The following TFCP2L1 variants were observed in gnomAD, a reference collection of about 807,000 sequenced individuals.
The protein encoded by TFCP2L1 is transcription factor CP2 like 1.
In TFCP2L1, 12 loss-of-function variants were observed where a neutral mutation model predicts 72.2. That is an observed-to-expected ratio of 0.17 (90% CI 0.11 to 0.27). The LOEUF is 0.27. Among genes scored for constraint, TFCP2L1 ranks in the 10% least tolerant of loss-of-function variants. The pLI is 1.00. For missense variants in TFCP2L1, 488 were observed against 624.6 expected (o/e 0.78, Z 2.33); for synonymous variants, 260 against 251.0 (o/e 1.04, Z -0.34).
chr2:121,269,935 A>ATATATG (rs1491023460), intron 2 of TFCP2L1, among the ~76,000 whole-genome samples: 1 of 133,614 alleles, frequency 7.5e-6, no homozygotes, highest in Admixed American at 7.7e-5. Context: ...ATATATATAT[A>ATATATG]TGCAAAAGAA....
intron 2 of TFCP2L1, among the ~76,000 whole-genome samples, chr2:121,260,008 G>A (rs183151943): frequency 7.0e-4 from 107 of 152,326 alleles, no homozygotes; most frequent in African/African-American, 2.4e-3. Flanking sequence ...CAATCAGACA[G>A]GTGGTATTTG....
intron 4 of TFCP2L1, 26 bp from the exon 5 acceptor site, chr2:121,248,296 A>G: frequency 1.3e-6 from 2 of 1,562,216 alleles, no homozygotes; most frequent in South Asian, 1.1e-5. Flanking sequence ...CACATACAGA[A>G]AGTGCAATTG....
rs764069354 is a variant in TFCP2L1, at chr2:121,248,985, T to C, written c.394A>G (p.Ile132Val). Residue 132 changes from isoleucine (I) to valine (V), a missense_variant, in exon 4 of 15, where the codon ATC becomes GTC. Around this residue, in one of 3 missense-constraint regions of TFCP2L1, gnomAD observed 129 missense variants for 236.0 expected, o/e 0.55. Coordinates refer to ENST00000263707, the MANE Select transcript of TFCP2L1 (RefSeq NM_014553.3). ...WSRPGDRILDIDIPLSVGILD... is the reference protein window; with the variant it reads ...WSRPGDRILDVDIPLSVGILD... ...CTCTCCTGGCCAGGAGACTCACCGATGTCCAGGATCCGGTCCCCTGGCCGA... is the reference window on the plus strand; with the variant it reads ...CTCTCCTGGCCAGGAGACTCACCGACGTCCAGGATCCGGTCCCCTGGCCGA... 6.3e-7 allele frequency: 1 copy of C among 1,594,090 alleles called. No individual in the cohort carries two copies.
At chr2:121,237,741 G>C in intron 9 of TFCP2L1, 25 bp from the exon 10 acceptor site, 2 of 1,614,052 alleles carry the variant, frequency 1.2e-6, no homozygotes, top group African/African-American at 1.3e-5. Context: ...GAGAGGCCTT[G>C]AGATGGTGGC....
chr2:121,258,976 G>A (rs758375380), intron 2 of TFCP2L1, among the ~76,000 whole-genome samples: 1 of 152,020 alleles, frequency 6.6e-6, no homozygotes, highest in African/African-American at 2.4e-5. Context: ...GCTCGGGCGC[G>A]GTGGCTCACA....
At chr2:121,282,011 C>T (rs1687273987) in intron 1 of TFCP2L1, among the ~76,000 whole-genome samples, 1 of 151,990 alleles carries the variant, frequency 6.6e-6, no homozygotes, top group Admixed American at 6.6e-5. Context: ...CGGCTCACTA[C>T]AACCTCCACC....
In TFCP2L1 at chr2:121,248,971, A is replaced by G; in HGVS notation, c.397+11T>C. The stretch of plus-strand genomic sequence containing the variant: ...GAGCCTTGCCTGGCCTCTCCTGGCC[A>G]GGAGACTCACCGATGTCCAGGATCC... On this transcript the variant is annotated intron_variant, in intron 4 of 14. Transcript: ENST00000263707. 4 of 1,574,464 alleles carry G rather than the reference A, an allele frequency of 2.5e-6. No homozygotes were observed. The highest frequency in any genetic ancestry group is 3.4e-6 in the Non-Finnish European group (4 of 1,160,678).
chr2:121,229,945 G>T (rs960605964), intron 13 of TFCP2L1, among the ~76,000 whole-genome samples: 15 of 152,138 alleles, frequency 9.9e-5, no homozygotes, highest in Non-Finnish European at 2.1e-4. Flanking sequence ...ACCAGCAAAG[G>T]CAAGGACCAG....
chr2:121,248,551 C>T lies in TFCP2L1; in HGVS notation c.398-281G>A, dbSNP rs1686536899. Among the ~76,000 whole-genome samples the T allele has an allele frequency of 2.0e-5, 3 of 152,198 alleles. No individual in the cohort carries two copies. In the South Asian group the frequency reaches 6.2e-4, roughly 31 times the overall value. Reference sequence around the variant, plus strand: ...TGTTCCCTGATGCTCTGGGTACACACATCGTATTGTCATTCTAGCTTCTGA... The same window carrying T: ...TGTTCCCTGATGCTCTGGGTACACATATCGTATTGTCATTCTAGCTTCTGA... On this transcript the variant is annotated intron_variant, in intron 4 of 14. Coordinates refer to ENST00000263707, the MANE Select transcript of TFCP2L1 (RefSeq NM_014553.3).
intron 7 of TFCP2L1, among the ~76,000 whole-genome samples, chr2:121,241,008 A>C (rs899541137): frequency 9.9e-5 from 15 of 152,196 alleles, no homozygotes; most frequent in South Asian, 2.1e-4. Context: ...TAGACGCCTC[A>C]AGCCTCACCC....
chr2:121,280,771 A>G (rs1362505284), intron 2 of TFCP2L1, among the ~76,000 whole-genome samples: 6 of 146,368 alleles, frequency 4.1e-5, no homozygotes, highest in African/African-American at 1.0e-4. Flanking sequence ...CAAAAAAGGA[A>G]AAAAAAAAAA....
chr2:121,241,351 C>T (rs1686363261), intron 7 of TFCP2L1, among the ~76,000 whole-genome samples: 1 of 152,086 alleles, frequency 6.6e-6, no homozygotes, highest in African/African-American at 2.4e-5. Context: ...AAAAAATGTG[C>T]TGGGCATGAT....
chr2:121,235,243 G>C lies in TFCP2L1; in HGVS notation c.1072C>G (p.Leu358Val). The C allele has an allele frequency of 6.2e-7, 1 of 1,614,210 alleles. No individual in the cohort carries two copies. The highest frequency in any genetic ancestry group is 8.5e-7 in the Non-Finnish European group (1 of 1,180,034). Residue 358 changes from leucine (L) to valine (V), a missense_variant, in exon 11 of 15, where the codon CTC becomes GTC. Coordinates refer to ENST00000263707, the MANE Select transcript of TFCP2L1 (RefSeq NM_014553.3). Reference protein sequence around the residue: ...QICGPADGIRLFNAIKGRNVR... With the variant: ...QICGPADGIRVFNAIKGRNVR... ...TACCGGCCTTTGATGGCGTTGAAGA[G>C]CCGGATCCCATCTGCGGGACCACAG...
At chr2:121,243,790 C>T (rs1028462309) in intron 6 of TFCP2L1, among the ~76,000 whole-genome samples, 5 of 151,850 alleles carry the variant, frequency 3.3e-5, no homozygotes, top group Admixed American at 3.3e-4. Flanking sequence ...CCCATTGACT[C>T]TGCATTATGA....
intron 11 of TFCP2L1, 87 bp downstream of exon 11, chr2:121,235,134 C>A (rs1686218981): frequency 7.0e-7 from 1 of 1,432,722 alleles, no homozygotes; most frequent in Non-Finnish European, 9.8e-7. Flanking sequence ...AGACCACCCA[C>A]CATCCAAAAG....
chr2:121,257,781 A>G (rs1029231092), intron 2 of TFCP2L1, among the ~76,000 whole-genome samples: 28 of 152,210 alleles, frequency 1.8e-4, no homozygotes, highest in Admixed American at 1.2e-3. Context: ...CAAACACTGA[A>G]CTTGGAATTT....
At position 121,218,989 on chromosome 2, in the gene TFCP2L1, G is replaced by C. The variant is rs1467724216; in HGVS notation, c.*5352C>G. 1 of 152,372 alleles carries C rather than the reference G, an allele frequency of 6.6e-6. No individual in the cohort carries two copies. The highest frequency in any genetic ancestry group is 1.5e-5 in the Non-Finnish European group (1 of 68,162). 9.4% of individuals were successfully genotyped at this position (152,372 alleles called of 1,614,324 possible). A position where few individuals can be genotyped will look rare whatever the true frequency, so the allele number is the denominator to read the frequency against. On this transcript the variant is annotated 3_prime_UTR_variant, in exon 15 of 15. Transcript: ENST00000263707. ...TGTCCCTAAGGGGCGATGGGAAGGAGGTGGCAATCAGAAGAGGGTACAAAC... is the reference window on the plus strand; with the variant it reads ...TGTCCCTAAGGGGCGATGGGAAGGACGTGGCAATCAGAAGAGGGTACAAAC...
intron 6 of TFCP2L1, among the ~76,000 whole-genome samples, chr2:121,245,839 A>G (rs1220385091): frequency 6.6e-6 from 1 of 152,130 alleles, no homozygotes; most frequent in Non-Finnish European, 1.5e-5. Context: ...TGGGTCTTCC[A>G]CAGGCCCGTG....
At chr2:121,265,461 G>A (rs1686909838) in intron 2 of TFCP2L1, among the ~76,000 whole-genome samples, 1 of 152,024 alleles carries the variant, frequency 6.6e-6, no homozygotes, top group Non-Finnish European at 1.5e-5. Flanking sequence ...GAATTGTAGG[G>A]TATGTGAATC....
Sources: gnomAD v4.1 joint callset for allele counts (sites outside exome capture counted in the v4.1 genomes callset) on GRCh38, gnomAD v4.1.1 for gene constraint, gnomAD v4.1.1 regional missense constraint, MANE v1.5 for transcripts, NCBI Gene and HGNC (gene_info 2026-07-23, HGNC 2026-07-21) for gene names.